The following RAI14 variants were observed in gnomAD, a reference collection of about 807,000 sequenced individuals.
RAI14 encodes the protein ankycorbin.
Under a neutral mutation model 115.4 loss-of-function variants are expected in RAI14, and 45 were observed. That is an observed-to-expected ratio of 0.39 (90% confidence interval 0.31 to 0.50). RAI14 has a LOEUF of 0.50. Ranked by LOEUF, RAI14 falls within the 20% of genes least tolerant of loss-of-function variation. The pLI, the probability that RAI14 is intolerant of heterozygous loss-of-function variation, is 0.85. For missense variants in RAI14, 939 were observed against 1,131.2 expected (o/e 0.83, Z 2.44); for synonymous variants, 371 against 415.4 (o/e 0.89, Z 1.30).
At chr5:34,818,186 T>C (rs576797785) in intron 12 of RAI14, among the ~76,000 whole-genome samples, 54 of 152,304 alleles carry the variant, frequency 3.5e-4, no homozygotes, top group Admixed American at 1.9e-3. Context: ...TGAAATGAGA[T>C]TGTGGCTTTG....
intron 9 of RAI14, 83 bp downstream of exon 9, chr5:34,812,028 ATATAT>A: frequency 7.6e-7 from 1 of 1,319,766 alleles, no homozygotes; most frequent in East Asian, 2.4e-5. Flanking sequence ...GTGCAATATG[ATATAT>A]TTTATTATTC....
intron 2 of RAI14, among the ~76,000 whole-genome samples, chr5:34,740,911 A>G (rs531397244): frequency 6.6e-6 from 1 of 152,204 alleles, no homozygotes; most frequent in Non-Finnish European, 1.5e-5. Context: ...GTTTTAAATA[A>G]ATCAGTGGTG....
intron 2 of RAI14, among the ~76,000 whole-genome samples, chr5:34,750,957 A>T (rs1208761153): frequency 7.2e-6 from 1 of 138,230 alleles, no homozygotes; most frequent in African/African-American, 2.8e-5. Flanking sequence ...GGTTCAAGTG[A>T]TTCTCCTGCC....
At chr5:34,822,494 A>G (rs1756962827) in intron 14 of RAI14, among the ~76,000 whole-genome samples, 1 of 151,342 alleles carries the variant, frequency 6.6e-6, no homozygotes, top group Non-Finnish European at 1.5e-5. Context: ...GTCTGTCCCA[A>G]TAGAACCCAA....
At chr5:34,822,455 A>G (rs1756959192) in intron 14 of RAI14, among the ~76,000 whole-genome samples, 1 of 151,012 alleles carries the variant, frequency 6.6e-6, no homozygotes, top group African/African-American at 2.4e-5. Flanking sequence ...AGAGAAAACA[A>G]TTTTAGTGTT....
At chr5:34,669,080 C>G (rs1169149468) in intron 1 of RAI14, among the ~76,000 whole-genome samples, 2 of 152,228 alleles carry the variant, frequency 1.3e-5, no homozygotes, top group African/African-American at 4.8e-5. Flanking sequence ...TGGTCTTGAT[C>G]TCCTGAACTC....
At chr5:34,753,039 A>AT (rs1747335126) in intron 2 of RAI14, among the ~76,000 whole-genome samples, 1 of 151,776 alleles carries the variant, frequency 6.6e-6, no homozygotes, top group Non-Finnish European at 1.5e-5. Flanking sequence ...TTTCTATTTT[A>AT]TTTTTTTAAC....
chr5:34,699,808 G>A (rs2149925811), intron 2 of RAI14, among the ~76,000 whole-genome samples: 1 of 152,308 alleles, frequency 6.6e-6, no homozygotes, highest in African/African-American at 2.4e-5. Flanking sequence ...AACAAAATAT[G>A]ATGATTCCAG....
rs188330897 is a variant in RAI14 at position 34,791,216 on chromosome 5, G to A, written c.168-4723G>A. 2.7e-4 allele frequency among the ~76,000 whole-genome samples: 41 copies of A among 152,192 alleles called. No homozygotes were observed. Among genetic ancestry groups the A allele is most frequent in the African/African-American group, 6.5e-4 (27 of 41,520 alleles). On this transcript the variant is annotated intron_variant, in intron 3 of 17. Coordinates refer to ENST00000265109, the MANE Select transcript of RAI14 (RefSeq NM_015577.3). The surrounding 1 kb of genome is among the most constrained non-coding windows in gnomAD (Gnocchi z 5.4). Reference sequence around the variant, plus strand: ...GTTATTCTCTCAAAACCAAGTTACCGTAAAAAGTTTGAATTTTAATATTTC... The same window carrying A: ...GTTATTCTCTCAAAACCAAGTTACCATAAAAAGTTTGAATTTTAATATTTC...
intron 1 of RAI14, among the ~76,000 whole-genome samples, chr5:34,684,245 T>C (rs992547168): frequency 3.9e-5 from 6 of 152,146 alleles, no homozygotes; most frequent in African/African-American, 7.2e-5. Flanking sequence ...CAGTTCTAGG[T>C]TCTCTAACTT....
chr5:34,761,017 A>G (rs1028867409), intron 3 of RAI14, among the ~76,000 whole-genome samples: 2 of 152,088 alleles, frequency 1.3e-5, no homozygotes, highest in Admixed American at 6.5e-5. Flanking sequence ...TGTTCCTTTC[A>G]CTTAGCATAA....
intron 3 of RAI14, among the ~76,000 whole-genome samples, chr5:34,761,435 T>G (rs1748639085): frequency 6.6e-6 from 1 of 152,210 alleles, no homozygotes; most frequent in African/African-American, 2.4e-5. Flanking sequence ...CATGTCAGCT[T>G]CCCAAAGTGT....
At chr5:34,758,417 GTGGTAATATATATTACTTAGGGA>G (rs1370697576) in intron 3 of RAI14, among the ~76,000 whole-genome samples, 2 of 152,184 alleles carry the variant, frequency 1.3e-5, no homozygotes, top group Admixed American at 6.5e-5. Context: ...GAAACACAAA[GTGGTAATATATATTACTTAGGGA>G]TGTATACACA....
chr5:34,662,594 C>T lies in RAI14; in HGVS notation c.-49+6119C>T, dbSNP rs923381528. Among the ~76,000 whole-genome samples, 8 of 151,750 alleles carry T rather than the reference C, an allele frequency of 5.3e-5. No individual in the cohort carries two copies. In the South Asian group the frequency reaches 1.5e-3, roughly 28 times the overall value. On this transcript the variant is annotated intron_variant, in intron 1 of 17. Transcript: ENST00000265109. ...ACACCATTTACATTTCTTATTGTATCCTCTGTAATAAAATGATATTGAAAG... is the reference window on the plus strand; with the variant it reads ...ACACCATTTACATTTCTTATTGTATTCTCTGTAATAAAATGATATTGAAAG...
intron 2 of RAI14, among the ~76,000 whole-genome samples, chr5:34,701,522 C>A (rs867234967): frequency 6.6e-6 from 1 of 152,192 alleles, no homozygotes; most frequent in Non-Finnish European, 1.5e-5. Context: ...TCCCTTTCTA[C>A]CAATCCCAAG....
intron 5 of RAI14, among the ~76,000 whole-genome samples, chr5:34,806,138 C>T (rs1474931231): frequency 6.6e-6 from 1 of 152,108 alleles, no homozygotes; most frequent in East Asian, 1.9e-4. Flanking sequence ...CTGAGACCTC[C>T]CAAGGATGCA....
chr5:34,777,778 C>CA (rs1162688187), intron 3 of RAI14, among the ~76,000 whole-genome samples: 43 of 148,768 alleles, frequency 2.9e-4, no homozygotes, highest in African/African-American at 1.0e-3. Context: ...GACTCCGTCT[C>CA]AAAAAAACAA....
intron 3 of RAI14, among the ~76,000 whole-genome samples, chr5:34,765,489 A>G (rs1017022196): frequency 1.3e-5 from 2 of 152,188 alleles, no homozygotes; most frequent in African/African-American, 4.8e-5. Flanking sequence ...TAGCAAAGAG[A>G]CTGGTGGCAT....
chr5:34,809,859 C>T (rs1755376907), intron 7 of RAI14, among the ~76,000 whole-genome samples: 1 of 152,086 alleles, frequency 6.6e-6, no homozygotes, highest in Admixed American at 6.6e-5. Context: ...AAGACCATTA[C>T]TAGGCTATTT....
Sources: allele counts gnomAD v4.1 joint callset (sites outside exome capture counted in the v4.1 genomes callset), GRCh38; gene constraint gnomAD v4.1.1; non-coding constraint Gnocchi (gnomAD v3.1); transcripts MANE v1.5; gene names NCBI Gene and HGNC (gene_info 2026-07-23, HGNC 2026-07-21).